TAFA2: variants seen among roughly 807,000 people sequenced by gnomAD.
TAFA2 encodes the protein chemokine-like protein TAFA-2.
TAFA2 carries 7 observed loss-of-function variants against 18.8 expected under a neutral mutation model. That is an observed-to-expected ratio of 0.37 (90% confidence interval 0.21 to 0.70). The LOEUF is 0.70. Among genes scored for constraint, TAFA2 ranks in the 30% least tolerant of loss-of-function variants. The pLI is 0.53. For synonymous variants in TAFA2, 60 were observed against 54.2 expected, an observed-to-expected ratio of 1.11 and a Z score of -0.47; for missense variants, 122 against 158.1, an observed-to-expected ratio of 0.77 and a Z score of 1.23.
intron 1 of TAFA2, among the ~76,000 whole-genome samples, chr12:61,984,138 T>C (rs1016542196): frequency 5.6e-4 from 86 of 152,232 alleles, no homozygotes; most frequent in African/African-American, 1.9e-3. Flanking sequence ...CACTAAAGTG[T>C]AGACACACTA....
intron 1 of TAFA2, among the ~76,000 whole-genome samples, chr12:62,117,138 C>T (rs901678853): frequency 1.3e-5 from 2 of 152,152 alleles, no homozygotes; most frequent in East Asian, 1.9e-4. Flanking sequence ...TAATATCACT[C>T]AGTCTGTAGT....
At chr12:61,832,861 C>T (rs1426966241) in intron 2 of TAFA2, among the ~76,000 whole-genome samples, 2 of 151,754 alleles carry the variant, frequency 1.3e-5, no homozygotes, top group African/African-American at 2.4e-5. Flanking sequence ...ACTTCCTCAG[C>T]TCTCTTCCCT....
intron 1 of TAFA2, among the ~76,000 whole-genome samples, chr12:62,026,969 G>T (rs974750741): frequency 1.3e-5 from 2 of 152,022 alleles, no homozygotes; most frequent in East Asian, 3.9e-4. Flanking sequence ...ACAGCTCGAA[G>T]ACGTATTTTT....
intron 1 of TAFA2, among the ~76,000 whole-genome samples, chr12:62,212,687 A>G (rs914593999): frequency 1.6e-4 from 25 of 152,216 alleles, no homozygotes; most frequent in Non-Finnish European, 3.2e-4. Context: ...GCTCTGCCGA[A>G]AAAAGGTACT....
At chr12:62,040,310 GT>G (rs1881724010) in intron 1 of TAFA2, among the ~76,000 whole-genome samples, 1 of 152,042 alleles carries the variant, frequency 6.6e-6, no homozygotes, top group African/African-American at 2.4e-5. Context: ...GTGGAATTGT[GT>G]CCCATCCCCC....
At chr12:62,075,567 G>C (rs766873582) in intron 1 of TAFA2, among the ~76,000 whole-genome samples, 7 of 152,156 alleles carry the variant, frequency 4.6e-5, no homozygotes, top group Non-Finnish European at 1.5e-5. Context: ...GAGTGAAGCT[G>C]CCAGTCAGAT....
rs1870953612 is a variant in TAFA2 at position 61,790,985 on chromosome 12, T to C, written c.107-35961A>G. ...TACAACAACACGATAGTAGCCAAAA[T>C]AGGATGGTACTGACATGAAAAGAAA... On this transcript the variant is annotated intron_variant, in intron 2 of 4. Coordinates refer to ENST00000416284, the MANE Select transcript of TAFA2 (RefSeq NM_178539.5). Among the ~76,000 whole-genome samples the C allele has an allele frequency of 2.0e-5, 3 of 151,570 alleles. No homozygotes were observed. In the South Asian group the frequency reaches 6.2e-4, roughly 31 times the overall value.
At chr12:61,928,657 A>G (rs970920890) in intron 1 of TAFA2, among the ~76,000 whole-genome samples, 2 of 152,214 alleles carry the variant, frequency 1.3e-5, no homozygotes, top group African/African-American at 4.8e-5. Context: ...CAGCAATCCC[A>G]TTACTGGGTA....
chr12:62,003,910 CAAG>C (rs755385384), intron 1 of TAFA2, among the ~76,000 whole-genome samples: 17 of 152,064 alleles, frequency 1.1e-4, no homozygotes, highest in Non-Finnish European at 2.2e-4. Flanking sequence ...CCATTTTTCA[CAAG>C]AAGTGCATGC....
chr12:61,921,543 G>A lies in TAFA2; in HGVS notation c.-1-54117C>T, dbSNP rs560316955. ...TTTTGTTGTTTGGTGTGGTGTGGTG[G>A]GGTATGGTGTGGTGTGGTGGGGTAT... On this transcript the variant is annotated intron_variant, in intron 1 of 4. Coordinates refer to ENST00000416284, the MANE Select transcript of TAFA2 (RefSeq NM_178539.5). Among the ~76,000 whole-genome samples, 3 of 152,110 alleles carry A rather than the reference G, an allele frequency of 2.0e-5. No individual in the cohort carries two copies. The East Asian group carries it at 5.8e-4, about 29-fold the overall frequency.
intron 1 of TAFA2, among the ~76,000 whole-genome samples, chr12:62,127,718 G>T (rs1009563343): frequency 6.6e-6 from 1 of 151,894 alleles, no homozygotes; most frequent in Non-Finnish European, 1.5e-5. Context: ...GCTAAAATGT[G>T]TCTCTGCCAC....
Position 61,997,167 on chromosome 12 carries a change from A to ATGTGTGTGTGTGTGTGTG in TAFA2, c.-1-129759_-1-129742dup, listed in dbSNP as rs35419865. Among the ~76,000 whole-genome samples, 670 of 145,476 alleles carry ATGTGTGTGTGTGTGTGTG rather than the reference A, an allele frequency of 4.6e-3. 3 individuals are homozygous for ATGTGTGTGTGTGTGTGTG. Among genetic ancestry groups the ATGTGTGTGTGTGTGTGTG allele is most frequent in the East Asian group, 0.012 (58 of 4,916 alleles). On this transcript the variant is annotated intron_variant, in intron 1 of 4. Coordinates refer to ENST00000416284, the MANE Select transcript of TAFA2 (RefSeq NM_178539.5). Reference sequence around the variant, plus strand: ...GATACATACTAGACTATATGTATATATGTGTGTGTGTGTGTGTGTGTGTGT... The same window carrying ATGTGTGTGTGTGTGTGTG: ...GATACATACTAGACTATATGTATATATGTGTGTGTGTGTGTGTGTGTGTGTGTGTGTGTGTGTGTGTGT...
chr12:62,067,496 A>AGGAGAGAT (rs1882521303), intron 1 of TAFA2, among the ~76,000 whole-genome samples: 1 of 151,916 alleles, frequency 6.6e-6, no homozygotes, highest in South Asian at 2.1e-4. Context: ...TTTGTGTATG[A>AGGAGAGAT]AGAGAGATAG....
At chr12:62,199,796 G>C (rs1178874708) in intron 1 of TAFA2, among the ~76,000 whole-genome samples, 2 of 152,072 alleles carry the variant, frequency 1.3e-5, no homozygotes, top group Non-Finnish European at 2.9e-5. Flanking sequence ...GGGTCAAATG[G>C]TATTTCTGGT....
At chr12:61,734,349 C>T (rs1482827533) in intron 4 of TAFA2, among the ~76,000 whole-genome samples, 2 of 126,970 alleles carry the variant, frequency 1.6e-5, no homozygotes, top group East Asian at 4.7e-4. Flanking sequence ...GAACATCACA[C>T]TCTGGGGACG....
intron 1 of TAFA2, among the ~76,000 whole-genome samples, chr12:61,955,657 A>ATG (rs1403942968): frequency 8.9e-6 from 1 of 111,938 alleles, no homozygotes; most frequent in African/African-American, 3.1e-5. Context: ...ATATATATAT[A>ATG]TATATATATA....
intron 3 of TAFA2, among the ~76,000 whole-genome samples, 164 bp from the exon 4 acceptor site, chr12:61,753,910 T>C (rs1313860882): frequency 6.6e-6 from 1 of 152,082 alleles, no homozygotes; most frequent in Non-Finnish European, 1.5e-5. Context: ...CCTTTCAAGA[T>C]TTTCTAACTA....
Position 62,222,039 on chromosome 12 carries a change from G to A in TAFA2, c.-130+36724C>T, listed in dbSNP as rs1387949646. Among the ~76,000 whole-genome samples, 8 of 152,070 alleles carry A rather than the reference G, an allele frequency of 5.3e-5. No homozygotes were observed. In the East Asian group the frequency reaches 1.5e-3, roughly 29 times the overall value. On this transcript the variant is annotated intron_variant, in intron 1 of 5. Transcript: ENST00000551619. The stretch of plus-strand genomic sequence containing the variant: ...GCAAAGAGTCTAAGAAGATGGGAGT[G>A]GACCTGAAAAAAAGTAAGATTAAAA...
intron 1 of TAFA2, among the ~76,000 whole-genome samples, chr12:61,911,289 G>A (rs954465749): frequency 1.7e-4 from 26 of 152,126 alleles, no homozygotes; most frequent in Admixed American, 7.9e-4. Context: ...CACCCCTCTA[G>A]TTTCAGAATC....
Sources: allele counts gnomAD v4.1 joint callset (sites outside exome capture counted in the v4.1 genomes callset), GRCh38; gene constraint gnomAD v4.1.1; transcripts MANE v1.5; gene names NCBI Gene and HGNC (gene_info 2026-07-23, HGNC 2026-07-21).